The following TM9SF3 variants were observed in gnomAD, a reference collection of about 807,000 sequenced individuals.
TM9SF3 encodes SM-11044-binding protein.
Under a neutral mutation model 78.6 loss-of-function variants are expected in TM9SF3, and 14 were observed. That is an observed-to-expected ratio of 0.18 (90% CI 0.12 to 0.28). TM9SF3 has a LOEUF of 0.28. Among genes scored for constraint, TM9SF3 ranks in the 10% least tolerant of loss-of-function variants. TM9SF3 has a pLI of 1.00. For synonymous variants in TM9SF3, 231 were observed against 241.7 expected, an observed-to-expected ratio of 0.96 and a Z score of 0.41; for missense variants, 496 against 721.9, an observed-to-expected ratio of 0.69 and a Z score of 3.59.
At chr10:96,565,282 A>C (rs369706208) in intron 3 of TM9SF3, 22 bp downstream of exon 3, 3 of 1,491,656 alleles carry the variant, frequency 2.0e-6, no homozygotes, top group Non-Finnish European at 2.7e-6. Flanking sequence ...CCCAAATCTT[A>C]AATACAACAT....
intron 5 of TM9SF3, among the ~76,000 whole-genome samples, chr10:96,553,997 G>A (rs1848205354): frequency 6.6e-6 from 1 of 152,018 alleles, no homozygotes; most frequent in African/African-American, 2.4e-5. Flanking sequence ...AGCAAATCCT[G>A]TCTTCTATGA....
intron 2 of TM9SF3, among the ~76,000 whole-genome samples, chr10:96,570,367 A>G (rs896064445): frequency 3.3e-5 from 5 of 152,222 alleles, no homozygotes; most frequent in Non-Finnish European, 5.9e-5. Context: ...ATCCAGGTTT[A>G]TATTTTCCTG....
chr10:96,559,020 T>C (rs1484294437), intron 5 of TM9SF3, among the ~76,000 whole-genome samples: 1 of 152,190 alleles, frequency 6.6e-6, no homozygotes, highest in Non-Finnish European at 1.5e-5. Context: ...ACCGGCTTTA[T>C]GAACTAAAAT....
At position 96,586,880 on chromosome 10, in the gene TM9SF3, C is replaced by CCGCCGCCG. The variant is rs769323035; in HGVS notation, c.-46_-45insCGGCGGCG. On this transcript the variant is annotated 5_prime_UTR_variant, in exon 1 of 15. The change abolishes the stop of an existing upstream ORF in the 5' untranslated region. Transcript: ENST00000371142. Reference sequence around the variant, plus strand: ...CGGAGCCGGCTCACCGACTCCTCCTCCCGCCGCCGCCTCCTCCGCCGCCGC... The same window carrying CCGCCGCCG: ...CGGAGCCGGCTCACCGACTCCTCCTCCGCCGCCGCCGCCGCCGCCTCCTCCGCCGCCGC... 1.1e-6 allele frequency: 1 copy of CCGCCGCCG among 952,258 alleles called. No homozygotes were observed. Among genetic ancestry groups the CCGCCGCCG allele is most frequent in the Admixed American group, 5.8e-5 (1 of 17,250 alleles). The allele number at this position is 952,258 out of a possible 1,614,324, so 59.0% of individuals were successfully genotyped here.
chr10:96,547,572 G>C (rs1165818214), intron 8 of TM9SF3, among the ~76,000 whole-genome samples: 1 of 150,670 alleles, frequency 6.6e-6, no homozygotes, highest in South Asian at 2.1e-4. Flanking sequence ...ATATCTCACA[G>C]TAGGCCAGAC....
intron 10 of TM9SF3, 69 bp downstream of exon 10, chr10:96,532,982 T>C: frequency 2.6e-6 from 4 of 1,551,136 alleles, no homozygotes; most frequent in Non-Finnish European, 3.5e-6. Flanking sequence ...TAAAGTTACA[T>C]GTACACAACA....
chr10:96,586,874 C>T lies in TM9SF3; in HGVS notation c.-39G>A, dbSNP rs1848639680. 9.8e-7 allele frequency: 1 copy of T among 1,016,756 alleles called. No homozygotes were observed. Among genetic ancestry groups the T allele is most frequent in the Admixed American group, 5.0e-5 (1 of 20,170 alleles). The allele number at this position is 1,016,756 out of a possible 1,614,324, so 63.0% of individuals were successfully genotyped here. On this transcript the variant is annotated 5_prime_UTR_variant, in exon 1 of 15. Transcript: ENST00000371142. Reference sequence around the variant, plus strand: ...CCGGCCCGGAGCCGGCTCACCGACTCCTCCTCCCGCCGCCGCCTCCTCCGC... The same window carrying T: ...CCGGCCCGGAGCCGGCTCACCGACTTCTCCTCCCGCCGCCGCCTCCTCCGC...
chr10:96,521,997 A>G lies in TM9SF3; in HGVS notation c.*266T>C. 3 of 398,760 alleles carry G rather than the reference A, an allele frequency of 7.5e-6. No individual in the cohort carries two copies. The South Asian group carries it at 1.0e-4, about 13-fold the overall frequency. 24.7% of individuals were successfully genotyped at this position (398,760 alleles called of 1,614,324 possible). A position where few individuals can be genotyped will look rare whatever the true frequency, so the allele number is the denominator to read the frequency against. ...TGGTCTATTTCATCTTTAATGAGCT[A>G]GTTTTTGGGAAGATTAGCCATGTAC... On this transcript the variant is annotated 3_prime_UTR_variant, in exon 15 of 15. Transcript: ENST00000371142.
intron 2 of TM9SF3, 27 bp downstream of exon 2, chr10:96,576,607 T>C: frequency 6.5e-7 from 1 of 1,539,474 alleles, no homozygotes; most frequent in East Asian, 2.3e-5. Context: ...CCAAATTGCA[T>C]TGTAAGGACT....
At chr10:96,534,521 T>C (rs1847933445) in intron 9 of TM9SF3, among the ~76,000 whole-genome samples, 1 of 152,156 alleles carries the variant, frequency 6.6e-6, no homozygotes, top group Non-Finnish European at 1.5e-5. Context: ...ACAAGACTCA[T>C]AAACCTTAAC....
intron 14 of TM9SF3, among the ~76,000 whole-genome samples, chr10:96,526,388 G>A (rs1201113385): frequency 1.3e-5 from 2 of 152,046 alleles, no homozygotes; most frequent in African/African-American, 4.8e-5. Flanking sequence ...AAAGGTTAAT[G>A]TGACCTCCAT....
Position 96,562,079 on chromosome 10 carries a change from G to C in TM9SF3, c.481C>G (p.Leu161Val). ...EDYYLWTYKK[L>V]EIGFNGNRIV... ...CGATTTCCATTAAAACCTATTTCAA[G>C]TTTTTTATAGGTCCAAAGATAGTAA... The change falls in exon 4 of 15, where the codon CTT becomes GTT. Residue 161 changes from leucine to valine, a missense_variant. Physicochemically the swap from Leu to Val is conservative, Grantham distance 32. Coordinates refer to ENST00000371142, the MANE Select transcript of TM9SF3 (RefSeq NM_020123.4). 2 of 1,613,208 alleles carry C rather than the reference G, an allele frequency of 1.2e-6. No homozygotes were observed. The highest frequency in any genetic ancestry group is 2.7e-5 in the African/African-American group (2 of 74,968).
intron 8 of TM9SF3, 28 bp downstream of exon 8, chr10:96,547,864 TAAC>T (rs765975350): frequency 1.1e-4 from 170 of 1,531,100 alleles, no homozygotes; most frequent in Non-Finnish European, 1.4e-4. Flanking sequence ...CATCTATAAT[TAAC>T]AACATGAAGT....
chr10:96,535,267 T>C (rs2134133735), intron 9 of TM9SF3, among the ~76,000 whole-genome samples: 1 of 152,306 alleles, frequency 6.6e-6, no homozygotes, highest in Middle Eastern at 3.4e-3. Context: ...CCCTACTCCT[T>C]TATGTTCAAG....
intron 9 of TM9SF3, among the ~76,000 whole-genome samples, chr10:96,536,604 G>T (rs1049352863): frequency 1.3e-5 from 2 of 151,980 alleles, no homozygotes; most frequent in Non-Finnish European, 2.9e-5. Context: ...CAAAAATAGG[G>T]TGTAAACTGT....
chr10:96,538,608 T>C (rs1341389692), intron 9 of TM9SF3, among the ~76,000 whole-genome samples: 2 of 152,098 alleles, frequency 1.3e-5, no homozygotes, highest in Non-Finnish European at 1.5e-5. Flanking sequence ...ACCCACAAAA[T>C]AGGAGTATAT....
chr10:96,566,794 A>C (rs1848376523), intron 2 of TM9SF3, among the ~76,000 whole-genome samples: 1 of 152,218 alleles, frequency 6.6e-6, no homozygotes, highest in African/African-American at 2.4e-5. Context: ...GAGCTAGAAA[A>C]ACTGACAGCA....
At chr10:96,549,750 A>C (rs1848145436) in intron 7 of TM9SF3, among the ~76,000 whole-genome samples, 1 of 150,664 alleles carries the variant, frequency 6.6e-6, no homozygotes, top group South Asian at 2.1e-4. Flanking sequence ...TGCTAATATT[A>C]TACATTAGTG....
intron 1 of TM9SF3, among the ~76,000 whole-genome samples, chr10:96,584,000 C>T (rs554200474): frequency 1.0e-3 from 153 of 152,116 alleles, no homozygotes; most frequent in African/African-American, 3.5e-3. Context: ...TGCCACTGTA[C>T]TCCAGCCTGG....
Sources: gnomAD v4.1 joint callset for allele counts (sites outside exome capture counted in the v4.1 genomes callset) on GRCh38, gnomAD v4.1.1 for gene constraint, MANE v1.5 for transcripts, NCBI Gene and HGNC (gene_info 2026-07-23, HGNC 2026-07-21) for gene names.